Variants in DPH6 observed in about 807,000 individuals in gnomAD.
The protein encoded by DPH6 is diphthine--ammonia ligase.
Under a neutral mutation model 38.2 loss-of-function variants are expected in DPH6, and 33 were observed. The ratio of observed to expected loss-of-function variants is 0.86; its 90% CI spans 0.65 to 1.15. The LOEUF is 1.15. Among genes scored for constraint, DPH6 ranks in the 50% most tolerant of loss-of-function variants. The pLI is 0.00. For synonymous variants in DPH6, 108 were observed against 103.0 expected (o/e 1.05, Z -0.30); for missense variants, 325 against 320.0 (o/e 1.02, Z -0.12).
At chr15:35,347,859 T>G (rs1373266363) in intron 3 of DPH6, among the ~76,000 whole-genome samples, 1 of 152,096 alleles carries the variant, frequency 6.6e-6, no homozygotes, top group Non-Finnish European at 1.5e-5. Context: ...AGATATGAGG[T>G]AATATCATTG....
chr15:35,304,305 A>G (rs565253516), intron 3 of DPH6, among the ~76,000 whole-genome samples: 5 of 152,248 alleles, frequency 3.3e-5, no homozygotes, highest in African/African-American at 1.2e-4. Flanking sequence ...CCTTTCCAAT[A>G]CATTACCTTC....
At chr15:35,335,799 G>C (rs553023570) in intron 3 of DPH6, among the ~76,000 whole-genome samples, 72 of 152,326 alleles carry the variant, frequency 4.7e-4, no homozygotes, top group African/African-American at 1.7e-3. Flanking sequence ...TTGTAGTATA[G>C]TTGGAAGTTG....
chr15:35,212,288 T>G, the DPH6 span, among the ~76,000 whole-genome samples: 2 of 152,162 alleles, frequency 1.3e-5, no homozygotes, highest in Non-Finnish European at 2.9e-5. Flanking sequence ...TGGAAGAGTT[T>G]AGAATGAAAA....
chr15:35,310,393 G>A (rs2052131041), intron 3 of DPH6, among the ~76,000 whole-genome samples: 1 of 152,106 alleles, frequency 6.6e-6, no homozygotes, highest in Admixed American at 6.5e-5. Flanking sequence ...AGCCTTGCAT[G>A]CTCTGTGGCT....
chr15:35,309,412 T>C (rs2052121452), intron 3 of DPH6, among the ~76,000 whole-genome samples: 1 of 152,176 alleles, frequency 6.6e-6, no homozygotes, highest in African/African-American at 2.4e-5. Context: ...GAATGACTGA[T>C]TGTGGCAATG....
At chr15:35,159,732 C>A in the DPH6 span, among the ~76,000 whole-genome samples, 1 of 151,878 alleles carries the variant, frequency 6.6e-6, no homozygotes. Flanking sequence ...AATAAATCGT[C>A]ACCAAAAAGT....
the DPH6 span, among the ~76,000 whole-genome samples, chr15:35,182,668 T>C: frequency 6.6e-6 from 1 of 152,202 alleles, no homozygotes; most frequent in African/African-American, 2.4e-5. Flanking sequence ...AGCAAACTTC[T>C]ATGGCTATAC....
rs74766407 is a variant in DPH6, at chr15:35,360,063, T to G, written n.207+13458A>C. Among the ~76,000 whole-genome samples, 706 of 152,352 alleles carry G rather than the reference T, an allele frequency of 4.6e-3. 5 individuals carry two copies. Among genetic ancestry groups the G allele is most frequent in the Non-Finnish European group, 6.3e-3 (427 of 68,034 alleles). On this transcript the variant is annotated intron_variant and non_coding_transcript_variant, in intron 3 of 3. Coordinates refer to the DPH6 transcript ENST00000558973. ...GAGCTTTATTCATTTCCTTTGGTTA[T>G]GTTTGCTTGATTTTTTGCACCATTT...
At position 35,279,072 on chromosome 15, in the gene DPH6, T is replaced by A. The variant is rs868597867; in HGVS notation, n.201-58490A>T. Among the ~76,000 whole-genome samples the A allele has an allele frequency of 1.4e-3, 167 of 122,022 alleles. 1 individual carries two copies. Among genetic ancestry groups the A allele is most frequent in the African/African-American group, 2.9e-3 (89 of 31,068 alleles). 80.1% of individuals were successfully genotyped at this position (122,022 alleles called of 152,430 possible). A position where few individuals can be genotyped will look rare whatever the true frequency, so the allele number is the denominator to read the frequency against. On this transcript the variant is annotated intron_variant and non_coding_transcript_variant, in intron 3 of 3. Transcript: ENST00000560386. ...TCAAAAAAAAAAAAAAAAAAAAATA[T>A]ATATATATATATAATTTTGGAGCTT...
At chr15:35,204,758 C>G in the DPH6 span, among the ~76,000 whole-genome samples, 1 of 151,706 alleles carries the variant, frequency 6.6e-6, no homozygotes, top group African/African-American at 2.4e-5. Context: ...TCTCTCCCAA[C>G]ATACAAAATT....
chr15:35,341,353 C>T (rs1457450400), intron 3 of DPH6, among the ~76,000 whole-genome samples: 2 of 150,982 alleles, frequency 1.3e-5, no homozygotes, highest in African/African-American at 5.0e-5. Context: ...TACCCACCTT[C>T]TGAAGCCTAC....
intron 3 of DPH6, among the ~76,000 whole-genome samples, chr15:35,253,403 C>T (rs891222833): frequency 6.6e-6 from 1 of 152,128 alleles, no homozygotes; most frequent in African/African-American, 2.4e-5. Context: ...ATAAAACATG[C>T]CTGTGCAAAT....
chr15:35,486,161 A>G (rs1039355590), intron 3 of DPH6, among the ~76,000 whole-genome samples: 1 of 151,700 alleles, frequency 6.6e-6, no homozygotes, highest in South Asian at 2.1e-4. Context: ...GGCAGGATGG[A>G]ATGAGTGCAA....
chr15:35,286,670 A>G (rs2051945974), intron 3 of DPH6, among the ~76,000 whole-genome samples: 2 of 152,246 alleles, frequency 1.3e-5, no homozygotes. Context: ...TATCTTGTTT[A>G]TTCAATTTAG....
the DPH6 span, among the ~76,000 whole-genome samples, chr15:35,171,817 T>G: frequency 6.6e-6 from 1 of 152,024 alleles, no homozygotes; most frequent in Middle Eastern, 3.4e-3. Context: ...TGTATACACA[T>G]TACACACATA....
At chr15:35,524,814 TAA>T (rs1566940272) in intron 3 of DPH6, among the ~76,000 whole-genome samples, 1 of 152,132 alleles carries the variant, frequency 6.6e-6, no homozygotes, top group Admixed American at 6.6e-5. Flanking sequence ...GCAATCAATA[TAA>T]AGAGGAAACT....
At chr15:35,240,131 C>T (rs2051587479) in intron 3 of DPH6, among the ~76,000 whole-genome samples, 1 of 142,756 alleles carries the variant, frequency 7.0e-6, no homozygotes, top group Non-Finnish European at 1.5e-5. Context: ...TGACCTAAAA[C>T]CTAAATGCCT....
intron 5 of DPH6, among the ~76,000 whole-genome samples, chr15:35,427,830 C>T (rs545103051): frequency 6.6e-6 from 1 of 151,984 alleles, no homozygotes; most frequent in South Asian, 2.1e-4. Context: ...GTAAAACTTG[C>T]TAAGTAATGA....
intron 3 of DPH6, among the ~76,000 whole-genome samples, chr15:35,256,307 T>C (rs1185352254): frequency 6.6e-6 from 1 of 152,184 alleles, no homozygotes; most frequent in Admixed American, 6.5e-5. Context: ...CCTTTGACGG[T>C]GACTGTTTCT....
Sources: allele counts gnomAD v4.1 joint callset (sites outside exome capture counted in the v4.1 genomes callset), GRCh38; gene constraint gnomAD v4.1.1; transcripts MANE v1.5; gene names NCBI Gene and HGNC (gene_info 2026-07-23, HGNC 2026-07-21).